Variants in IMMP1L observed in about 807,000 individuals in gnomAD.
IMMP1L encodes the protein inner mitochondrial membrane peptidase subunit 1.
Under a neutral mutation model 21.8 loss-of-function variants are expected in IMMP1L, and 24 were observed. The ratio of observed to expected loss-of-function variants is 1.10; its 90% CI spans 0.80 to 1.55. The LOEUF (loss-of-function observed/expected upper bound fraction) is 1.55, where lower values mean the gene tolerates loss of function less well. Among genes scored for constraint, IMMP1L ranks in the 40% most tolerant of loss-of-function variants. IMMP1L has a pLI of 0.00. For synonymous variants in IMMP1L, 46 were observed against 62.8 expected (o/e 0.73, Z 1.26); for missense variants, 195 against 200.7 (o/e 0.97, Z 0.17).
At chr11:31,480,228 A>C (rs1222402508) in intron 1 of IMMP1L, among the ~76,000 whole-genome samples, 1 of 152,072 alleles carries the variant, frequency 6.6e-6, no homozygotes, top group African/African-American at 2.4e-5. Context: ...AGTACATTTA[A>C]GTAATAACTA....
In IMMP1L at chr11:31,489,653, T is replaced by A. The variant is rs553047742; in HGVS notation, c.-30+19866A>T. ...TTACACATTTCACTTTTCTGATAAT[T>A]CTTCATTTCTGCCAATCTCTCTTCC... On this transcript the variant is annotated intron_variant, in intron 1 of 5. Coordinates refer to ENST00000532287, the MANE Select transcript of IMMP1L (RefSeq NM_001304274.2). 2.6e-5 allele frequency among the ~76,000 whole-genome samples: 4 copies of A among 152,338 alleles called. No individual in the cohort carries two copies. The South Asian group carries it at 8.3e-4, about 32-fold the overall frequency.
At chr11:31,434,915 A>G (rs996114834) in intron 4 of IMMP1L, among the ~76,000 whole-genome samples, 1 of 152,166 alleles carries the variant, frequency 6.6e-6, no homozygotes, top group Admixed American at 6.5e-5. Context: ...TGTGCAGTGA[A>G]GTGTAAGACT....
At chr11:31,452,211 TACA>T (rs552246587) in intron 4 of IMMP1L, 268 of 984,508 alleles carry the variant, frequency 2.7e-4, no homozygotes, top group Non-Finnish European at 3.1e-4. Flanking sequence ...ATGCAGATTT[TACA>T]ACATGTTTGT....
intron 1 of IMMP1L, chr11:31,477,570 T>C: frequency 1.0e-6 from 1 of 984,466 alleles, no homozygotes; most frequent in South Asian, 4.7e-5. Context: ...TTGAGCTTCA[T>C]GAATGACATC....
chr11:31,479,401 T>TA (rs1160965059), intron 1 of IMMP1L, among the ~76,000 whole-genome samples: 1 of 152,090 alleles, frequency 6.6e-6, no homozygotes, highest in Non-Finnish European at 1.5e-5. Flanking sequence ...ATTAGTGCTA[T>TA]AAAAAACTTT....
At chr11:31,462,838 G>C (rs940313474) in intron 2 of IMMP1L, among the ~76,000 whole-genome samples, 1 of 152,178 alleles carries the variant, frequency 6.6e-6, no homozygotes, top group East Asian at 1.9e-4. Context: ...AAATGAGTTA[G>C]TAAGTGTAAA....
intron 4 of IMMP1L, among the ~76,000 whole-genome samples, chr11:31,438,641 T>C (rs1343507738): frequency 6.6e-6 from 1 of 152,224 alleles, no homozygotes; most frequent in Admixed American, 6.5e-5. Flanking sequence ...TTAGCTTTGA[T>C]TAGGTATGTG....
intron 4 of IMMP1L, among the ~76,000 whole-genome samples, chr11:31,448,371 G>A (rs1181218874): frequency 5.3e-5 from 8 of 152,090 alleles, no homozygotes; most frequent in South Asian, 2.1e-4. Context: ...ATCACACTTG[G>A]AATATATTCT....
In IMMP1L at chr11:31,452,813, C is replaced by T. The variant is rs549688426; in HGVS notation, c.321+3447G>A. The T allele has an allele frequency of 1.8e-4, 164 of 912,478 alleles. 1 individual carries two copies. In the African/African-American group the frequency reaches 2.7e-3, roughly 15 times the overall value. The allele number at this position is 912,478 out of a possible 1,614,324, so 56.5% of individuals were successfully genotyped here. Reference sequence around the variant, plus strand: ...TTGCCCAGGCTGCAGTGCAGTGGCGCGATCTCGGCTCACTGCAACCTCCAC... The same window carrying T: ...TTGCCCAGGCTGCAGTGCAGTGGCGTGATCTCGGCTCACTGCAACCTCCAC... On this transcript the variant is annotated intron_variant, in intron 4 of 5. Transcript: ENST00000532287.
intron 1 of IMMP1L, among the ~76,000 whole-genome samples, chr11:31,467,483 A>T (rs1954396915): frequency 6.6e-6 from 1 of 152,184 alleles, no homozygotes; most frequent in African/African-American, 2.4e-5. Flanking sequence ...GGGACAATAT[A>T]AGCCTAAAAA....
chr11:31,461,969 C>T (rs1346831946), intron 2 of IMMP1L, among the ~76,000 whole-genome samples: 1 of 152,158 alleles, frequency 6.6e-6, no homozygotes, highest in African/African-American at 2.4e-5. Flanking sequence ...AATACAATTA[C>T]AGTTTGTTTG....
chr11:31,443,920 C>T (rs993645566), intron 4 of IMMP1L, among the ~76,000 whole-genome samples: 4 of 152,158 alleles, frequency 2.6e-5, no homozygotes, highest in South Asian at 4.1e-4. Flanking sequence ...CGTTATTGAG[C>T]TTCTCCCTGC....
intron 1 of IMMP1L, among the ~76,000 whole-genome samples, chr11:31,496,136 C>T (rs1292134506): frequency 6.6e-6 from 1 of 150,506 alleles, no homozygotes; most frequent in African/African-American, 2.4e-5. Context: ...AAAAACAAAG[C>T]CATTACTCAA....
chr11:31,467,957 T>A lies in IMMP1L; in HGVS notation c.-29-4652A>T, dbSNP rs112514216. Among the ~76,000 whole-genome samples, 1,440 of 152,160 alleles carry A rather than the reference T, an allele frequency of 9.5e-3. 26 individuals are homozygous for A. Among genetic ancestry groups the A allele is most frequent in the African/African-American group, 0.033 (1,382 of 41,508 alleles). On this transcript the variant is annotated intron_variant, in intron 1 of 5. Coordinates refer to ENST00000532287, the MANE Select transcript of IMMP1L (RefSeq NM_001304274.2). ...CCATTCCTGCCAAAAATGTGTAACCTAAATCTGATCATGAACAATCAAAAC... is the reference window on the plus strand; with the variant it reads ...CCATTCCTGCCAAAAATGTGTAACCAAAATCTGATCATGAACAATCAAAAC...
chr11:31,475,830 A>G (rs1324564146), intron 1 of IMMP1L, among the ~76,000 whole-genome samples: 3 of 152,196 alleles, frequency 2.0e-5, no homozygotes, highest in Non-Finnish European at 4.4e-5. Context: ...GAGACGTTCT[A>G]AAGAAAATAA....
Position 31,499,360 on chromosome 11 carries a change from G to A in IMMP1L, c.-30+10159C>T, listed in dbSNP as rs144344303. 4.2e-3 allele frequency among the ~76,000 whole-genome samples: 522 copies of A among 123,854 alleles called. 5 individuals are homozygous for A. The highest frequency in any genetic ancestry group is 0.021 in the African/African-American group (494 of 23,202). The allele number at this position is 123,854 out of a possible 152,430, so 81.3% of individuals were successfully genotyped here. A position where few individuals can be genotyped will look rare whatever the true frequency, so the allele number is the denominator to read the frequency against. ...AGCCTGGGCGACAGAGTGAGACTCC[G>A]TATCAAAAAACAAAACAAAACAAAA... On this transcript the variant is annotated intron_variant, in intron 1 of 5. Coordinates refer to ENST00000532287, the MANE Select transcript of IMMP1L (RefSeq NM_001304274.2).
chr11:31,494,333 G>A (rs997414789), intron 1 of IMMP1L, among the ~76,000 whole-genome samples: 1 of 152,226 alleles, frequency 6.6e-6, no homozygotes, highest in Non-Finnish European at 1.5e-5. Context: ...ACCCTCTGAA[G>A]CAATGGCCCA....
In IMMP1L at chr11:31,509,534, A is replaced by G; in HGVS notation, c.-45T>C. The G allele has an allele frequency of 1.8e-6, 1 of 556,676 alleles. No individual in the cohort carries two copies. Among genetic ancestry groups the G allele is most frequent in the Non-Finnish European group, 3.2e-6 (1 of 309,714 alleles). 34.5% of individuals were successfully genotyped at this position (556,676 alleles called of 1,614,324 possible). A position where few individuals can be genotyped will look rare whatever the true frequency, so the allele number is the denominator to read the frequency against. ...TATTACCTACCTCGGGCCCCAAAGA[A>G]CCCTGGAGACCCTCAACCAGGACAC... On this transcript the variant is annotated 5_prime_UTR_variant, in exon 1 of 6. Coordinates refer to ENST00000532287, the MANE Select transcript of IMMP1L (RefSeq NM_001304274.2).
At chr11:31,490,591 C>T (rs1376244269) in intron 1 of IMMP1L, among the ~76,000 whole-genome samples, 3 of 151,816 alleles carry the variant, frequency 2.0e-5, no homozygotes, top group Non-Finnish European at 4.4e-5. Flanking sequence ...GGTATTAGTA[C>T]GTTGTAACAT....
Sources: allele counts gnomAD v4.1 joint callset (sites outside exome capture counted in the v4.1 genomes callset), GRCh38; gene constraint gnomAD v4.1.1; transcripts MANE v1.5; gene names NCBI Gene and HGNC (gene_info 2026-07-23, HGNC 2026-07-21).